WSCD2: variants seen among roughly 807,000 people sequenced by gnomAD.
WSCD2 encodes the protein WSC domain sialate O sulfotransferase 2, also known as sialate:O-sulfotransferase 2.
WSCD2 carries 28 observed loss-of-function variants against 55.7 expected under a neutral mutation model. The ratio of observed to expected loss-of-function variants is 0.50; its 90% CI spans 0.37 to 0.69. The LOEUF (loss-of-function observed/expected upper bound fraction) is 0.69, where lower values mean the gene tolerates loss of function less well. Ranked by LOEUF, WSCD2 falls within the 30% of genes least tolerant of loss-of-function variation. WSCD2 has a pLI of 0.00. For synonymous variants in WSCD2, 301 were observed against 301.9 expected (o/e 1.00, Z 0.03); for missense variants, 616 against 762.1 (o/e 0.81, Z 2.26).
rs372067181 is a variant in WSCD2, at chr12:108,210,184, G to A, written c.561G>A (p.Ala187=). The change falls in exon 4 of 9, where the codon GCG becomes GCA. Residue 187 remains alanine (A), a synonymous_variant. Transcript: ENST00000547525. The surrounding 1 kb of genome is among the most constrained non-coding windows in gnomAD (Gnocchi z 4.3). ...GCTACTGCGGCCACAAGATCCAGGC[G>A]ACGAACGTGAGCGAGGCAGAGTGCG... is the stretch of plus-strand genomic sequence containing the variant. ...AECYCGHKIQ[A]TNVSEAECDM... The A allele has an allele frequency of 2.7e-4, 428 of 1,614,136 alleles. 1 individual carries two copies. Among genetic ancestry groups the A allele is most frequent in the African/African-American group, 2.6e-3 (195 of 75,054 alleles).
intron 4 of WSCD2, among the ~76,000 whole-genome samples, chr12:108,222,311 A>C (rs1209861319): frequency 6.6e-6 from 1 of 152,172 alleles, no homozygotes; most frequent in Non-Finnish European, 1.5e-5. Flanking sequence ...AGGCTCAATA[A>C]GTTTTTGCAA....
chr12:108,239,791 TG>T (rs1889569821), intron 7 of WSCD2, among the ~76,000 whole-genome samples: 1 of 152,218 alleles, frequency 6.6e-6, no homozygotes, highest in Non-Finnish European at 1.5e-5. Context: ...CATAGCTCAC[TG>T]CAGCCTCAAC....
intron 1 of WSCD2, among the ~76,000 whole-genome samples, chr12:108,187,653 TG>T (rs1694577566): frequency 6.6e-6 from 1 of 152,234 alleles, no homozygotes; most frequent in Admixed American, 6.5e-5. Context: ...GTCACATAGT[TG>T]GTGCTCAATA....
Position 108,248,895 on chromosome 12 carries a change from G to A in WSCD2, c.*552G>A. 1 of 988,694 alleles carries A rather than the reference G, an allele frequency of 1.0e-6. No homozygotes were observed. The highest frequency in any genetic ancestry group is 1.2e-6 in the Non-Finnish European group (1 of 831,714). The allele number at this position is 988,694 out of a possible 1,614,324, so 61.2% of individuals were successfully genotyped here. ...CTGGGAAGTTTCTCCGTGGCCTTAG[G>A]TTTCTGACATCCTGGATAGTGTGGG... is the stretch of plus-strand genomic sequence containing the variant. On this transcript the variant is annotated 3_prime_UTR_variant, in exon 9 of 9. Coordinates refer to ENST00000547525, the MANE Select transcript of WSCD2 (RefSeq NM_014653.4). The surrounding 1 kb of genome is among the most constrained non-coding windows in gnomAD (Gnocchi z 4.3).
chr12:108,250,382 G>C lies in WSCD2; in HGVS notation c.*2039G>C, dbSNP rs1212962624. 6.6e-6 allele frequency: 1 copy of C among 152,296 alleles called. No homozygotes were observed. The highest frequency in any genetic ancestry group is 2.4e-5 in the African/African-American group (1 of 41,436). 9.4% of individuals were successfully genotyped at this position (152,296 alleles called of 1,614,324 possible). A position where few individuals can be genotyped will look rare whatever the true frequency, so the allele number is the denominator to read the frequency against. ...CTCAGGGAGAATTACGTGCCTCTGT[G>C]TGTAAAATTGCCTTTGTGTTCTCCT... On this transcript the variant is annotated 3_prime_UTR_variant, in exon 9 of 9. Transcript: ENST00000547525.
chr12:108,210,412 A>C lies in WSCD2; in HGVS notation c.682+107A>C. ...CCTGTACCCTCCATGGCTCCCCATC[A>C]CTCCAAGGCCACCACCGTCCTGCCC... On this transcript the variant is annotated intron_variant, in intron 4 of 8. Coordinates refer to ENST00000547525, the MANE Select transcript of WSCD2 (RefSeq NM_014653.4). This position sits in a 1 kb window ranked among gnomAD's most constrained non-coding sequence, Gnocchi z 4.3. 1 of 1,392,370 alleles carries C rather than the reference A, an allele frequency of 7.2e-7. No homozygotes were observed. The highest frequency in any genetic ancestry group is 9.5e-7 in the Non-Finnish European group (1 of 1,047,456). The allele number at this position is 1,392,370 out of a possible 1,614,324, so 86.3% of individuals were successfully genotyped here.
At chr12:108,246,212 G>T (rs1308376764) in intron 8 of WSCD2, among the ~76,000 whole-genome samples, 1 of 152,222 alleles carries the variant, frequency 6.6e-6, no homozygotes, top group Non-Finnish European at 1.5e-5. Flanking sequence ...GCAGACAGTA[G>T]TCCTTTTCCT....
intron 1 of WSCD2, among the ~76,000 whole-genome samples, chr12:108,191,468 C>T (rs1336143497): frequency 6.6e-6 from 1 of 152,074 alleles, no homozygotes; most frequent in African/African-American, 2.4e-5. Context: ...GGCTTTGGCT[C>T]AGCCGAATCC....
At chr12:108,139,720 G>A (rs1814950076) in intron 1 of WSCD2, among the ~76,000 whole-genome samples, 1 of 152,214 alleles carries the variant, frequency 6.6e-6, no homozygotes, top group Admixed American at 6.5e-5. Context: ...ACAATACCTA[G>A]CACATAGTAA....
At chr12:108,233,550 A>T (rs1192922765) in intron 7 of WSCD2, among the ~76,000 whole-genome samples, 1 of 152,252 alleles carries the variant, frequency 6.6e-6, no homozygotes, top group Non-Finnish European at 1.5e-5. Flanking sequence ...ATTCTTATTT[A>T]ACCCTGCATA....
At chr12:108,160,806 T>C (rs1565924919) in intron 1 of WSCD2, among the ~76,000 whole-genome samples, 1 of 152,236 alleles carries the variant, frequency 6.6e-6, no homozygotes, top group Non-Finnish European at 1.5e-5. Flanking sequence ...TCAGGATTTC[T>C]CAATAGGAGA....
At chr12:108,188,154 G>A (rs1167508522) in intron 1 of WSCD2, among the ~76,000 whole-genome samples, 1 of 152,138 alleles carries the variant, frequency 6.6e-6, no homozygotes, top group Admixed American at 6.5e-5. Context: ...GAAGATAAAT[G>A]AAAATGGACA....
At chr12:108,136,188 G>A (rs1042705075) in intron 1 of WSCD2, among the ~76,000 whole-genome samples, 1 of 152,180 alleles carries the variant, frequency 6.6e-6, no homozygotes, top group Non-Finnish European at 1.5e-5. Context: ...TGGAGAGATG[G>A]AGACCCAGAA....
intron 1 of WSCD2, among the ~76,000 whole-genome samples, chr12:108,151,227 G>T (rs1000631720): frequency 2.0e-4 from 31 of 152,134 alleles, no homozygotes; most frequent in African/African-American, 6.5e-4. Context: ...CTTTCTGCGG[G>T]TGTTGGGGGC....
Position 108,196,003 on chromosome 12 carries a change from C to A in WSCD2, c.171C>A (p.Gly57=). 6.2e-7 allele frequency: 1 copy of A among 1,614,260 alleles called. No homozygotes were observed. The highest frequency in any genetic ancestry group is 8.5e-7 in the Non-Finnish European group (1 of 1,180,048). ...GNQANPAAAG[G]PAEGAELSFL... ...AGGCGAACCCCGCTGCTGCAGGAGG[C>A]CCAGCTGAGGGTGCTGAGCTGTCCT... The change falls in exon 2 of 9, where the codon GGC becomes GGA. Residue 57 remains glycine, a synonymous_variant. Coordinates refer to ENST00000547525, the MANE Select transcript of WSCD2 (RefSeq NM_014653.4).
intron 6 of WSCD2, among the ~76,000 whole-genome samples, chr12:108,231,301 G>T (rs1265368029): frequency 6.6e-6 from 1 of 152,190 alleles, no homozygotes; most frequent in Non-Finnish European, 1.5e-5. Flanking sequence ...CTTCCTTTCT[G>T]CTCCAGCGCC....
intron 5 of WSCD2, among the ~76,000 whole-genome samples, chr12:108,226,721 G>A (rs542490721): frequency 1.3e-5 from 2 of 152,306 alleles, no homozygotes; most frequent in Middle Eastern, 3.4e-3. Context: ...ACTATTAGTG[G>A]TAGCCATACA....
chr12:108,240,638 AGGAGGCAATGC>A, intron 8 of WSCD2, 94 bp downstream of exon 8: 1 of 1,399,634 alleles, frequency 7.1e-7, no homozygotes, highest in African/African-American at 1.4e-5. Flanking sequence ...CGTGACCAGC[AGGAGGCAATGC>A]CTCATGCGAG....
At chr12:108,180,892 C>A (rs1166084356) in intron 1 of WSCD2, among the ~76,000 whole-genome samples, 1 of 152,266 alleles carries the variant, frequency 6.6e-6, no homozygotes, top group Non-Finnish European at 1.5e-5. Context: ...TGTGGGACCA[C>A]ACAGTGCAGG....
Sources: allele counts gnomAD v4.1 joint callset (sites outside exome capture counted in the v4.1 genomes callset), GRCh38; gene constraint gnomAD v4.1.1; non-coding constraint Gnocchi (gnomAD v3.1); transcripts MANE v1.5; gene names NCBI Gene and HGNC (gene_info 2026-07-23, HGNC 2026-07-21).